SYCP2L: variants seen among roughly 807,000 people sequenced by gnomAD.
SYCP2L encodes the protein synaptonemal complex protein 2-like.
Under a neutral mutation model 125.8 loss-of-function variants are expected in SYCP2L, and 98 were observed. The ratio of observed to expected loss-of-function variants is 0.78; its 90% CI spans 0.66 to 0.92. The LOEUF is 0.92. Ranked by LOEUF, SYCP2L falls within the 40% of genes least tolerant of loss-of-function variation. The pLI, the probability that SYCP2L is intolerant of heterozygous loss-of-function variation, is 0.00. For missense variants in SYCP2L, 842 were observed against 936.4 expected, an observed-to-expected ratio of 0.90 and a Z score of 1.32; for synonymous variants, 317 against 325.4, an observed-to-expected ratio of 0.97 and a Z score of 0.28.
chr6:10,939,622 G>A (rs142329561), intron 21 of SYCP2L, among the ~76,000 whole-genome samples: 57 of 152,266 alleles, frequency 3.7e-4, no homozygotes, highest in African/African-American at 1.3e-3. Flanking sequence ...TACACAATGA[G>A]GAAAGGAAAG....
intron 23 of SYCP2L, among the ~76,000 whole-genome samples, chr6:10,948,353 C>T (rs1222932024): frequency 6.6e-6 from 1 of 152,066 alleles, no homozygotes; most frequent in Non-Finnish European, 1.5e-5. Context: ...TTTCCCAACC[C>T]CTTGATTCCT....
intron 14 of SYCP2L, among the ~76,000 whole-genome samples, chr6:10,915,716 G>A (rs1256719384): frequency 1.3e-5 from 2 of 152,104 alleles, no homozygotes; most frequent in African/African-American, 2.4e-5. Context: ...CGTTGGATTC[G>A]GTTAGCTAGT....
chr6:10,904,772 C>G (rs973929916), intron 8 of SYCP2L, among the ~76,000 whole-genome samples: 1 of 152,136 alleles, frequency 6.6e-6, no homozygotes, highest in African/African-American at 2.4e-5. Context: ...CTGCTTCTTA[C>G]AAGAGACTGA....
chr6:10,948,671 A>G (rs1781358013), intron 23 of SYCP2L, among the ~76,000 whole-genome samples: 1 of 152,140 alleles, frequency 6.6e-6, no homozygotes, highest in South Asian at 2.1e-4. Context: ...ACAAACCTGT[A>G]CTTTTCTCCT....
chr6:10,969,997 A>G (rs1260760923), intron 29 of SYCP2L, among the ~76,000 whole-genome samples: 1 of 152,176 alleles, frequency 6.6e-6, no homozygotes, highest in Non-Finnish European at 1.5e-5. Context: ...GGGTAGAATG[A>G]TACCCACAGG....
chr6:10,964,855 G>A (rs1424023252), intron 29 of SYCP2L, among the ~76,000 whole-genome samples: 4 of 152,158 alleles, frequency 2.6e-5, no homozygotes, highest in Admixed American at 6.5e-5. Flanking sequence ...TTAAGATGAG[G>A]TTTCAAGAAT....
At chr6:10,904,615 G>A (rs1463930643) in intron 8 of SYCP2L, among the ~76,000 whole-genome samples, 2 of 152,102 alleles carry the variant, frequency 1.3e-5, no homozygotes, top group Non-Finnish European at 2.9e-5. Flanking sequence ...ACTAATCTTT[G>A]AACACACTAC....
chr6:10,969,358 C>CTTTTTT (rs534262433), intron 29 of SYCP2L, among the ~76,000 whole-genome samples: 2 of 105,032 alleles, frequency 1.9e-5, no homozygotes, highest in African/African-American at 3.6e-5. Flanking sequence ...AGGAAATTAT[C>CTTTTTT]TTTTTTTTTT....
chr6:10,959,846 G>C (rs1293259061), intron 26 of SYCP2L, among the ~76,000 whole-genome samples: 1 of 141,098 alleles, frequency 7.1e-6, no homozygotes. Context: ...TCCAGCCTGG[G>C]CAACAAGAGC....
At chr6:10,952,777 G>C (rs1292823416) in intron 23 of SYCP2L, among the ~76,000 whole-genome samples, 3 of 152,134 alleles carry the variant, frequency 2.0e-5, no homozygotes, top group Non-Finnish European at 4.4e-5. Context: ...GAAAAGGATA[G>C]AGTTGTAATT....
chr6:10,912,618 G>T lies in SYCP2L; in HGVS notation c.919-55G>T. ...ATTTTCAAGGGAATAATGTTTATCT[G>T]ACCCTATAGCATGATTTTTATGTGT... On this transcript the variant is annotated intron_variant, in intron 12 of 29. Transcript: ENST00000283141. The surrounding 1 kb of genome is among the most constrained non-coding windows in gnomAD (Gnocchi z 4.1). The T allele has an allele frequency of 4.0e-6, 5 of 1,265,594 alleles. No homozygotes were observed. The South Asian group carries it at 4.9e-5, about 13-fold the overall frequency. The allele number at this position is 1,265,594 out of a possible 1,614,324, so 78.4% of individuals were successfully genotyped here. A position where few individuals can be genotyped will look rare whatever the true frequency, so the allele number is the denominator to read the frequency against.
At chr6:10,909,085 C>G (rs1780557595) in intron 10 of SYCP2L, among the ~76,000 whole-genome samples, 1 of 148,628 alleles carries the variant, frequency 6.7e-6, no homozygotes, top group East Asian at 2.0e-4. Context: ...AAAATCATTT[C>G]CTTCCCCAGA....
At chr6:10,949,633 G>C (rs1478005830) in intron 23 of SYCP2L, among the ~76,000 whole-genome samples, 1 of 151,206 alleles carries the variant, frequency 6.6e-6, no homozygotes, top group African/African-American at 2.4e-5. Context: ...ATCAGGAAGT[G>C]ACTGTTCATC....
chr6:10,893,984 C>T lies in SYCP2L; in HGVS notation c.196C>T (p.Leu66Phe). ...ATATAATCGTCTTCTATTATACCGTCTTGACAGATCAATAAATAAGGCAAG... is the reference window on the plus strand; with the variant it reads ...ATATAATCGTCTTCTATTATACCGTTTTGACAGATCAATAAATAAGGCAAG... ...QKYNRLLLYR[L>F]DRSINKELDK... The change falls in exon 3 of 30, where the codon CTT (leucine) becomes TTT (phenylalanine). Residue 66 changes from leucine (L) to phenylalanine (F), a missense_variant. Physicochemically the swap from Leu to Phe is conservative, Grantham distance 22. Transcript: ENST00000283141. The T allele has an allele frequency of 6.2e-7, 1 of 1,606,732 alleles. No homozygotes were observed. The highest frequency in any genetic ancestry group is 1.1e-5 in the South Asian group (1 of 88,602).
In SYCP2L at chr6:10,887,197, G is replaced by A. The variant is rs551072093; in HGVS notation, c.9+62G>A. 368 of 1,607,288 alleles carry A rather than the reference G, an allele frequency of 2.3e-4. No individual in the cohort carries two copies. In the African/African-American group the frequency reaches 4.5e-3, roughly 20 times the overall value. On this transcript the variant is annotated intron_variant, in intron 1 of 29. Coordinates refer to ENST00000283141, the MANE Select transcript of SYCP2L (RefSeq NM_001040274.3). ...CAGTGCTAGGGCGCGCGAGGGCGCG[G>A]GGTCCCTGGGGCTCAGGTTCTGCCG...
In SYCP2L at chr6:10,936,420, C is replaced by T. The variant is rs376842952; in HGVS notation, c.1813+1233C>T. On this transcript the variant is annotated intron_variant, in intron 21 of 29. Coordinates refer to ENST00000283141, the MANE Select transcript of SYCP2L (RefSeq NM_001040274.3). ...GCTGAGACAGGAGAATTGCTTGAAC[C>T]GGGAGGCAGAGGTTGCAGTGAGCCA... is the stretch of plus-strand genomic sequence containing the variant. Among the ~76,000 whole-genome samples the T allele has an allele frequency of 7.2e-5, 11 of 151,908 alleles. No homozygotes were observed. In the East Asian group the frequency reaches 9.7e-4, roughly 13 times the overall value.
chr6:10,967,688 A>T (rs1303392196), intron 29 of SYCP2L, among the ~76,000 whole-genome samples: 1 of 152,146 alleles, frequency 6.6e-6, no homozygotes, highest in Non-Finnish European at 1.5e-5. Flanking sequence ...CAACCAATAA[A>T]CAATAAGACT....
chr6:10,901,052 C>T (rs190523390), intron 6 of SYCP2L, among the ~76,000 whole-genome samples: 2 of 152,312 alleles, frequency 1.3e-5, no homozygotes, highest in East Asian at 1.9e-4. Flanking sequence ...CTGAAACTTA[C>T]GTCTTCTTAC....
intron 16 of SYCP2L, 145 bp from the exon 17 acceptor site, chr6:10,927,095 C>G: frequency 7.1e-7 from 1 of 1,400,510 alleles, no homozygotes; most frequent in Non-Finnish European, 9.4e-7. Flanking sequence ...CCATAGCTTT[C>G]TGATTGGAGG....
Sources: allele counts gnomAD v4.1 joint callset (sites outside exome capture counted in the v4.1 genomes callset), GRCh38; gene constraint gnomAD v4.1.1; non-coding constraint Gnocchi (gnomAD v3.1); transcripts MANE v1.5; gene names NCBI Gene and HGNC (gene_info 2026-07-23, HGNC 2026-07-21).